KATNIP: variants seen among roughly 807,000 people sequenced by gnomAD.
KATNIP encodes the protein katanin-interacting protein.
Under a neutral mutation model 174.0 loss-of-function variants are expected in KATNIP, and 126 were observed. That is an observed-to-expected ratio of 0.72 (90% CI 0.63 to 0.84). The LOEUF is 0.84. KATNIP is among the 40% of genes least tolerant of loss of function. KATNIP has a pLI of 0.00. For missense variants in KATNIP, 1,958 were observed against 2,109.7 expected (o/e 0.93, Z 1.41); for synonymous variants, 810 against 835.7 (o/e 0.97, Z 0.53).
chr16:27,594,702 C>T (rs997115964), intron 2 of KATNIP, among the ~76,000 whole-genome samples: 2 of 152,282 alleles, frequency 1.3e-5, no homozygotes, highest in Admixed American at 6.5e-5. Context: ...ATCCTCCCAC[C>T]TTAGCTGCCC....
At chr16:27,607,916 A>T (rs2075760724) in intron 2 of KATNIP, among the ~76,000 whole-genome samples, 1 of 152,110 alleles carries the variant, frequency 6.6e-6, no homozygotes, top group African/African-American at 2.4e-5. Flanking sequence ...CAGTGGCTTC[A>T]TGGTCTCAGT....
intron 1 of KATNIP, among the ~76,000 whole-genome samples, chr16:27,559,045 C>G (rs545721891): frequency 1.3e-5 from 2 of 152,316 alleles, no homozygotes; most frequent in Admixed American, 1.3e-4. Flanking sequence ...CCCGTTTTGA[C>G]TACATTCCCA....
chr16:27,707,023 G>A (rs1280609968), intron 12 of KATNIP, among the ~76,000 whole-genome samples: 2 of 152,156 alleles, frequency 1.3e-5, no homozygotes, highest in Non-Finnish European at 1.5e-5. Context: ...ATCAAAACAG[G>A]CCCTATCTTT....
chr16:27,559,515 C>G (rs1437670510), intron 1 of KATNIP, among the ~76,000 whole-genome samples: 1 of 151,614 alleles, frequency 6.6e-6, no homozygotes, highest in African/African-American at 2.4e-5. Flanking sequence ...GACCCCACCT[C>G]TACAAAAAAT....
At chr16:27,561,801 A>G (rs1196093534) in intron 1 of KATNIP, among the ~76,000 whole-genome samples, 1 of 152,198 alleles carries the variant, frequency 6.6e-6, no homozygotes, top group Non-Finnish European at 1.5e-5. Flanking sequence ...AAGGAACTTG[A>G]CAGATGTCGC....
Position 27,708,690 on chromosome 16 carries a change from T to C in KATNIP, c.1390-15T>C, listed in dbSNP as rs1228117263. 6.3e-7 allele frequency: 1 copy of C among 1,594,766 alleles called. No individual in the cohort carries two copies. Among genetic ancestry groups the C allele is most frequent in the East Asian group, 2.2e-5 (1 of 44,532 alleles). ...CATGACTTAATCCTTTGGTGTTATT[T>C]TTCTCTTCTTTAAGGACAAACAGAG... On this transcript the variant is annotated splice_polypyrimidine_tract_variant and intron_variant, in intron 12 of 27. Coordinates refer to ENST00000261588, the MANE Select transcript of KATNIP (RefSeq NM_015202.5).
intron 3 of KATNIP, among the ~76,000 whole-genome samples, chr16:27,619,184 G>A (rs1057188904): frequency 1.3e-5 from 2 of 152,176 alleles, no homozygotes; most frequent in South Asian, 4.1e-4. Flanking sequence ...CAGGCAGTGA[G>A]TGGAGCTGGC....
intron 2 of KATNIP, among the ~76,000 whole-genome samples, chr16:27,614,181 G>A (rs368126585): frequency 3.1e-4 from 46 of 149,710 alleles, no homozygotes; most frequent in African/African-American, 5.7e-4. Context: ...GGGTTCAAGC[G>A]ATTCTCCTGA....
chr16:27,640,682 T>C (rs1418002817), intron 5 of KATNIP, among the ~76,000 whole-genome samples: 6 of 151,366 alleles, frequency 4.0e-5, no homozygotes, highest in Non-Finnish European at 5.9e-5. Context: ...TTTTAATTTT[T>C]TTTTTTTTTT....
intron 23 of KATNIP, among the ~76,000 whole-genome samples, chr16:27,773,966 G>A (rs1273508165): frequency 6.6e-6 from 1 of 152,132 alleles, no homozygotes; most frequent in East Asian, 1.9e-4. Flanking sequence ...TACAGATGAG[G>A]AGCCTGAGAC....
At chr16:27,689,833 T>C (rs1418529941) in intron 8 of KATNIP, among the ~76,000 whole-genome samples, 3 of 152,166 alleles carry the variant, frequency 2.0e-5, no homozygotes, top group Admixed American at 6.5e-5. Context: ...CTTACTCACA[T>C]GTCTGGCAGT....
chr16:27,698,892 C>T (rs374899130), intron 9 of KATNIP, among the ~76,000 whole-genome samples: 2 of 152,178 alleles, frequency 1.3e-5, no homozygotes, highest in African/African-American at 2.4e-5. Context: ...CCTCCGCAGT[C>T]GTCACTGCTC....
chr16:27,613,941 G>C (rs752270424), intron 2 of KATNIP, among the ~76,000 whole-genome samples: 10 of 152,144 alleles, frequency 6.6e-5, no homozygotes, highest in Non-Finnish European at 1.0e-4. Context: ...TAGAGAGACA[G>C]GGTCTCACCC....
chr16:27,775,138 A>C (rs1472791954), intron 24 of KATNIP, 54 bp downstream of exon 24: 9 of 1,576,208 alleles, frequency 5.7e-6, no homozygotes, highest in Non-Finnish European at 7.7e-6. Context: ...GGGCAGGGGG[A>C]CTTTCTTTCC....
chr16:27,690,363 T>TAGATAGATAGATAGATA (rs397837255), intron 8 of KATNIP, among the ~76,000 whole-genome samples: 1 of 90,986 alleles, frequency 1.1e-5, no homozygotes, highest in East Asian at 2.7e-4. Context: ...GATAGATAGA[T>TAGATAGATAGATAGATA]GATAGATAGA....
intron 19 of KATNIP, among the ~76,000 whole-genome samples, chr16:27,765,126 G>C (rs2082078227): frequency 6.6e-6 from 1 of 152,194 alleles, no homozygotes; most frequent in African/African-American, 2.4e-5. Flanking sequence ...AGTGGGGAAG[G>C]TTCTAGAAAA....
intron 4 of KATNIP, 83 bp downstream of exon 4, chr16:27,628,913 A>C (rs1287064096): frequency 7.1e-7 from 1 of 1,399,420 alleles, no homozygotes; most frequent in Non-Finnish European, 9.9e-7. Context: ...CACACCTGTA[A>C]TCACATCACT....
intron 1 of KATNIP, among the ~76,000 whole-genome samples, chr16:27,556,303 T>C (rs1479864501): frequency 1.3e-5 from 2 of 152,214 alleles, no homozygotes; most frequent in Non-Finnish European, 2.9e-5. Context: ...TTTGACATTT[T>C]TTATTCCATG....
At chr16:27,656,830 T>C (rs1480560425) in intron 6 of KATNIP, among the ~76,000 whole-genome samples, 1 of 149,960 alleles carries the variant, frequency 6.7e-6, no homozygotes, top group Admixed American at 6.7e-5. Context: ...GAGATATACC[T>C]AATGCTAGAT....
Sources: allele counts gnomAD v4.1 joint callset (sites outside exome capture counted in the v4.1 genomes callset), GRCh38; gene constraint gnomAD v4.1.1; transcripts MANE v1.5; gene names NCBI Gene and HGNC (gene_info 2026-07-23, HGNC 2026-07-21).